KCNIP4: variants seen among roughly 807,000 people sequenced by gnomAD.
KCNIP4 encodes potassium voltage-gated channel interacting protein 4, also known as Kv channel-interacting protein 4.
KCNIP4 carries 12 observed loss-of-function variants against 34.0 expected under a neutral mutation model. That is an observed-to-expected ratio of 0.35 (90% CI 0.23 to 0.57). The LOEUF (loss-of-function observed/expected upper bound fraction) is 0.57. Among genes scored for constraint, KCNIP4 ranks in the 20% least tolerant of loss-of-function variants. The pLI, the probability that KCNIP4 is intolerant of heterozygous loss-of-function variation, is 0.83. For missense variants in KCNIP4, 238 were observed against 311.7 expected, an observed-to-expected ratio of 0.76 and a Z score of 1.78; for synonymous variants, 124 against 102.2, an observed-to-expected ratio of 1.21 and a Z score of -1.29.
At chr4:20,853,638 A>G (rs1721271821) in intron 2 of KCNIP4, among the ~76,000 whole-genome samples, 1 of 152,188 alleles carries the variant, frequency 6.6e-6, no homozygotes, top group Admixed American at 6.5e-5. Context: ...AAAAACAAAG[A>G]TAAATAGCTG....
intron 1 of KCNIP4, among the ~76,000 whole-genome samples, chr4:21,918,870 G>A (rs981999105): frequency 6.6e-6 from 1 of 152,108 alleles, no homozygotes; most frequent in East Asian, 1.9e-4. Context: ...ATCTAGCCAC[G>A]CTTCCTTAAG....
intron 1 of KCNIP4, among the ~76,000 whole-genome samples, chr4:21,557,090 C>T (rs142325506): frequency 7.2e-5 from 11 of 152,002 alleles, no homozygotes; most frequent in Non-Finnish European, 1.5e-4. Context: ...TGCATATCTT[C>T]CAGTAGTGGG....
chr4:20,912,597 A>G (rs577322558), intron 1 of KCNIP4, among the ~76,000 whole-genome samples: 140 of 152,304 alleles, frequency 9.2e-4, no homozygotes, highest in African/African-American at 3.2e-3. Context: ...TGAAAAGACA[A>G]CCCACAGGAT....
At chr4:20,967,342 T>C (rs1053148265) in intron 1 of KCNIP4, among the ~76,000 whole-genome samples, 2 of 152,056 alleles carry the variant, frequency 1.3e-5, no homozygotes, top group Admixed American at 6.5e-5. Flanking sequence ...ATCGTGAAAA[T>C]GGCCATACTG....
chr4:20,766,411 C>T (rs181051996), intron 3 of KCNIP4, among the ~76,000 whole-genome samples: 4 of 152,158 alleles, frequency 2.6e-5, no homozygotes, highest in Admixed American at 6.5e-5. Context: ...ACTAAAAATA[C>T]AAAAATTAGC....
At chr4:21,411,368 C>G (rs942009717) in intron 1 of KCNIP4, among the ~76,000 whole-genome samples, 1 of 152,064 alleles carries the variant, frequency 6.6e-6, no homozygotes, top group African/African-American at 2.4e-5. Flanking sequence ...GCTTATGAAA[C>G]CCTGGAATCA....
intron 1 of KCNIP4, among the ~76,000 whole-genome samples, chr4:21,577,462 T>C (rs974146856): frequency 1.3e-5 from 2 of 152,040 alleles, no homozygotes; most frequent in African/African-American, 4.8e-5. Context: ...AAACTCTCTC[T>C]CTACTAAAAG....
intron 1 of KCNIP4, among the ~76,000 whole-genome samples, chr4:21,153,586 T>A (rs1207411709): frequency 6.6e-6 from 1 of 151,014 alleles, no homozygotes; most frequent in African/African-American, 2.4e-5. Flanking sequence ...TCTCAATTTC[T>A]TATAGCTCTC....
chr4:21,861,656 C>CAAAAAAAAA (rs59277001), intron 1 of KCNIP4, among the ~76,000 whole-genome samples: 1 of 101,320 alleles, frequency 9.9e-6, no homozygotes, highest in Non-Finnish European at 1.9e-5. Context: ...GACTCCGTCT[C>CAAAAAAAAA]AAAAAAAAAA....
intron 1 of KCNIP4, among the ~76,000 whole-genome samples, chr4:21,195,093 C>T (rs992326184): frequency 3.3e-5 from 5 of 152,184 alleles, no homozygotes; most frequent in Middle Eastern, 3.2e-3. Context: ...CTGGGAATCA[C>T]ATGACCCTAC....
intron 1 of KCNIP4, among the ~76,000 whole-genome samples, chr4:21,670,679 G>A (rs2109007249): frequency 6.6e-6 from 1 of 152,020 alleles, no homozygotes; most frequent in South Asian, 2.1e-4. Flanking sequence ...CTTTTGAGAT[G>A]GAGTCTTGCT....
intron 1 of KCNIP4, among the ~76,000 whole-genome samples, chr4:21,702,973 T>C (rs1036063391): frequency 7.7e-5 from 8 of 103,472 alleles, no homozygotes; most frequent in African/African-American, 4.1e-4. Context: ...TAGTACATCA[T>C]ATTATCAGGC....
At chr4:21,112,030 T>TCTATCC (rs1560732770) in intron 1 of KCNIP4, among the ~76,000 whole-genome samples, 660 of 33,290 alleles carry the variant, frequency 0.02, 4 homozygotes, top group Non-Finnish European at 0.031. Context: ...TCTCTGTATC[T>TCTATCC]ATCTATCTAT....
intron 1 of KCNIP4, among the ~76,000 whole-genome samples, chr4:21,810,304 A>C (rs1367415702): frequency 6.6e-6 from 1 of 152,232 alleles, no homozygotes; most frequent in Non-Finnish European, 1.5e-5. Flanking sequence ...AAGAGATTAC[A>C]ACTCCAAGAA....
chr4:21,210,840 T>C (rs1165315858), intron 1 of KCNIP4, among the ~76,000 whole-genome samples: 2 of 152,182 alleles, frequency 1.3e-5, no homozygotes, highest in African/African-American at 4.8e-5. Context: ...ATGAGAGTTA[T>C]GGACAGAAAC....
chr4:21,175,216 C>T (rs988617012), intron 1 of KCNIP4, among the ~76,000 whole-genome samples: 20 of 151,968 alleles, frequency 1.3e-4, no homozygotes, highest in Non-Finnish European at 2.5e-4. Flanking sequence ...GGACTAATTT[C>T]CTTGAAGTCA....
rs1277048863 is a variant in KCNIP4 at position 21,482,678 on chromosome 4, T to C, written c.61+465893A>G. Among the ~76,000 whole-genome samples, 4 of 152,254 alleles carry C rather than the reference T, an allele frequency of 2.6e-5. No homozygotes were observed. In the East Asian group the frequency reaches 5.8e-4, roughly 22 times the overall value. On this transcript the variant is annotated intron_variant, in intron 1 of 8. Transcript: ENST00000382152. ...GGCTTGTAGAGTTTCTGCTGAGAGA[T>C]CAGCTGTTAGTCTGATGGGCTTCCC...
chr4:21,342,265 G>C (rs1436554296), intron 1 of KCNIP4, among the ~76,000 whole-genome samples: 3 of 152,012 alleles, frequency 2.0e-5, no homozygotes, highest in Non-Finnish European at 2.9e-5. Context: ...CCATCTCAAG[G>C]GTAAGGAGAG....
At chr4:20,941,015 G>T (rs903968840) in intron 1 of KCNIP4, among the ~76,000 whole-genome samples, 2 of 152,220 alleles carry the variant, frequency 1.3e-5, no homozygotes, top group Middle Eastern at 3.4e-3. Flanking sequence ...GAATAACAGT[G>T]TTACTCGGTA....
Sources: gnomAD v4.1 joint callset for allele counts (sites outside exome capture counted in the v4.1 genomes callset) on GRCh38, gnomAD v4.1.1 for gene constraint, MANE v1.5 for transcripts, NCBI Gene and HGNC (gene_info 2026-07-23, HGNC 2026-07-21) for gene names.